CSMD2: variants seen among roughly 807,000 people sequenced by gnomAD.
The protein encoded by CSMD2 is CUB and Sushi multiple domains 2, also known as CUB and sushi domain-containing protein 2.
CSMD2 carries 130 observed loss-of-function variants against 398.5 expected under a neutral mutation model. That is an observed-to-expected ratio of 0.33 (90% CI 0.28 to 0.38). The LOEUF is 0.38. Among genes scored for constraint, CSMD2 ranks in the 10% least tolerant of loss-of-function variants. CSMD2 has a pLI of 1.00. For synonymous variants in CSMD2, 1,828 were observed against 1,908.5 expected, an observed-to-expected ratio of 0.96 and a Z score of 1.10; for missense variants, 3,829 against 4,764.9, an observed-to-expected ratio of 0.80 and a Z score of 5.78.
intron 5 of CSMD2, among the ~76,000 whole-genome samples, chr1:33,849,070 C>T (rs1035394704): frequency 6.6e-6 from 1 of 152,190 alleles, no homozygotes; most frequent in Non-Finnish European, 1.5e-5. Context: ...GCATCTCCCA[C>T]CTCCCATTTC....
intron 12 of CSMD2, among the ~76,000 whole-genome samples, chr1:33,781,532 G>A (rs1652765528): frequency 6.6e-6 from 1 of 152,156 alleles, no homozygotes; most frequent in South Asian, 2.1e-4. Context: ...TGAGTGCCCT[G>A]GACTGTTGGG....
rs148403952 is a variant in CSMD2 at position 33,752,729 on chromosome 1, C to T, written c.1847-9123G>A. On this transcript the variant is annotated intron_variant, in intron 13 of 70. Transcript: ENST00000373381. The stretch of plus-strand genomic sequence containing the variant: ...GAAAATGAGGGAGAGTTTGTAATTT[C>T]TTAGAGACTGTTTAAAAGGTTGTCA... Among the ~76,000 whole-genome samples the T allele has an allele frequency of 5.4e-4, 82 of 152,206 alleles. 2 individuals are homozygous for T. The East Asian group carries it at 0.012, about 22-fold the overall frequency.
At chr1:33,615,763 C>A (rs138518273) in intron 39 of CSMD2, among the ~76,000 whole-genome samples, 1 of 152,180 alleles carries the variant, frequency 6.6e-6, no homozygotes, top group East Asian at 1.9e-4. Flanking sequence ...TTGGGCTGAC[C>A]GTTCACATTT....
At position 33,706,907 on chromosome 1, in the gene CSMD2, A is replaced by G. The variant is rs570663556; in HGVS notation, c.3576+2182T>C. On this transcript the variant is annotated intron_variant, in intron 22 of 70. Coordinates refer to ENST00000373381, the MANE Select transcript of CSMD2 (RefSeq NM_001281956.2). The stretch of plus-strand genomic sequence containing the variant: ...TGTGTATGCGTGTGTGTGTGCACGT[A>G]TGTGTGTGCACTACCTGGGCTCCTG... Among the ~76,000 whole-genome samples the G allele has an allele frequency of 2.0e-5, 3 of 151,804 alleles. No homozygotes were observed. The South Asian group carries it at 6.2e-4, about 32-fold the overall frequency.
chr1:33,853,768 C>A (rs1209284890), intron 5 of CSMD2, among the ~76,000 whole-genome samples: 1 of 152,070 alleles, frequency 6.6e-6, no homozygotes, highest in Non-Finnish European at 1.5e-5. Flanking sequence ...TTGGGGGAGG[C>A]AGGGTGGGTT....
chr1:34,120,861 A>G (rs1408435229), intron 1 of CSMD2, among the ~76,000 whole-genome samples: 1 of 152,164 alleles, frequency 6.6e-6, no homozygotes, highest in Middle Eastern at 3.2e-3. Context: ...CTTTAGTTTC[A>G]TATCTTTCCA....
At chr1:33,587,331 C>T (rs1207389649) in intron 44 of CSMD2, among the ~76,000 whole-genome samples, 163 bp from the exon 45 acceptor site, 1 of 152,088 alleles carries the variant, frequency 6.6e-6, no homozygotes, top group Non-Finnish European at 1.5e-5. Context: ...GTCCTTTTTG[C>T]TTATCTTCTG....
At chr1:33,597,788 G>A (rs1639937080) in intron 44 of CSMD2, among the ~76,000 whole-genome samples, 2 of 152,220 alleles carry the variant, frequency 1.3e-5, no homozygotes, top group Non-Finnish European at 2.9e-5. Context: ...TTCACAATAA[G>A]GAATAAGCAA....
At chr1:33,573,210 G>C (rs1469501926) in intron 49 of CSMD2, among the ~76,000 whole-genome samples, 1 of 152,168 alleles carries the variant, frequency 6.6e-6, no homozygotes, top group Non-Finnish European at 1.5e-5. Context: ...TGATAGGAGA[G>C]ACTTTGTGGA....
chr1:34,165,701 A>G (rs1641827290), upstream of CSMD2: 4 of 1,582,052 alleles, frequency 2.5e-6, no homozygotes, highest in South Asian at 1.1e-5. Context: ...CCTGTCTGGG[A>G]AAAGGTAACC....
At chr1:33,692,828 G>T in intron 25 of CSMD2, 102 bp downstream of exon 25, 1 of 1,426,892 alleles carries the variant, frequency 7.0e-7, no homozygotes, top group South Asian at 1.2e-5. Context: ...TTCTCCAGGT[G>T]AGGCAGGCAG....
At chr1:34,016,147 T>G (rs1394893677) in intron 3 of CSMD2, among the ~76,000 whole-genome samples, 1 of 152,162 alleles carries the variant, frequency 6.6e-6, no homozygotes, top group Non-Finnish European at 1.5e-5. Context: ...ATATACGTTT[T>G]TAAATTTTAC....
intron 60 of CSMD2, among the ~76,000 whole-genome samples, chr1:33,538,956 G>A (rs1025578290): frequency 6.6e-6 from 1 of 152,118 alleles, no homozygotes; most frequent in African/African-American, 2.4e-5. Context: ...GGGCTTTGCT[G>A]CAGGAGTAAA....
intron 13 of CSMD2, chr1:33,772,054 A>T (rs1651342952): frequency 6.5e-6 from 1 of 153,024 alleles, no homozygotes; most frequent in Non-Finnish European, 1.5e-5. Flanking sequence ...AAAGATCAAC[A>T]GTCCAAAGAT....
intron 25 of CSMD2, among the ~76,000 whole-genome samples, chr1:33,679,559 G>A (rs545357501): frequency 1.3e-5 from 2 of 152,126 alleles, no homozygotes; most frequent in Admixed American, 6.5e-5. Context: ...ATTTACCCCC[G>A]TGTAAAATGG....
At chr1:33,889,880 A>G (rs1484781908) in intron 5 of CSMD2, among the ~76,000 whole-genome samples, 1 of 152,086 alleles carries the variant, frequency 6.6e-6, no homozygotes, top group Non-Finnish European at 1.5e-5. Flanking sequence ...GATTTAACAC[A>G]TAGACGACTT....
Position 33,725,526 on chromosome 1 carries a change from C to T in CSMD2, c.2518G>A (p.Glu840Lys). 2 of 1,614,074 alleles carry T rather than the reference C, an allele frequency of 1.2e-6. No individual in the cohort carries two copies. The highest frequency in any genetic ancestry group is 1.7e-6 in the Non-Finnish European group (2 of 1,179,994). ...ACTTCCAGGGTGTCATAGTTGACCT[C>T]GGTTTTGAATCTGCCAAATGACAGA... is the stretch of plus-strand genomic sequence containing the variant. ...IKITFDRFKT[E>K]VNYDTLEVRD... Residue 840 changes from glutamate to lysine, a missense_variant, in exon 17 of 71, where the codon GAG (glutamate) becomes AAG (lysine). Coordinates refer to ENST00000373381, the MANE Select transcript of CSMD2 (RefSeq NM_001281956.2).
chr1:33,583,520 A>T, intron 47 of CSMD2, 122 bp downstream of exon 47: 1 of 964,770 alleles, frequency 1.0e-6, no homozygotes, highest in Non-Finnish European at 1.6e-6. Flanking sequence ...TGTGGTAGGG[A>T]AGGACATCCT....
chr1:34,076,936 T>TATATATATATA (rs1192249044), intron 2 of CSMD2, among the ~76,000 whole-genome samples: 1 of 68,054 alleles, frequency 1.5e-5, no homozygotes, highest in African/African-American at 6.5e-5. Context: ...AAAATATATA[T>TATATATATATA]ATATATATAT....
Sources: allele counts gnomAD v4.1 joint callset (sites outside exome capture counted in the v4.1 genomes callset), GRCh38; gene constraint gnomAD v4.1.1; transcripts MANE v1.5; gene names NCBI Gene and HGNC (gene_info 2026-07-23, HGNC 2026-07-21).